The following LPIN2 variants were observed in gnomAD, a reference collection of about 807,000 sequenced individuals.
The protein encoded by LPIN2 is phosphatidate phosphatase LPIN2.
Under a neutral mutation model 111.4 loss-of-function variants are expected in LPIN2, and 55 were observed. The ratio of observed to expected loss-of-function variants is 0.49; its 90% confidence interval spans 0.40 to 0.62. The LOEUF (loss-of-function observed/expected upper bound fraction) is 0.62. Among genes scored for constraint, LPIN2 ranks in the 20% least tolerant of loss-of-function variants. The pLI is 0.00. For missense variants in LPIN2, 992 were observed against 1,112.1 expected, an observed-to-expected ratio of 0.89 and a Z score of 1.54; for synonymous variants, 425 against 414.0, an observed-to-expected ratio of 1.03 and a Z score of -0.32.
chr18:2,924,281 TA>T, intron 15 of LPIN2, 116 bp downstream of exon 15: 3 of 1,323,968 alleles, frequency 2.3e-6, no homozygotes, highest in Non-Finnish European at 3.2e-6. Flanking sequence ...ATATGGCTTA[TA>T]AAATGCCTTG....
At chr18:2,980,802 C>G (rs573499360) in intron 1 of LPIN2, among the ~76,000 whole-genome samples, 1 of 150,678 alleles carries the variant, frequency 6.6e-6, no homozygotes, top group Non-Finnish European at 1.5e-5. Flanking sequence ...CTCTAGAGTC[C>G]CCCCCCAGCT....
At chr18:2,938,738 T>A (rs1222638667) in intron 6 of LPIN2, among the ~76,000 whole-genome samples, 1 of 152,246 alleles carries the variant, frequency 6.6e-6, no homozygotes, top group African/African-American at 2.4e-5. Flanking sequence ...GCAAAATGTA[T>A]ATTTTAAAAA....
chr18:2,975,016 T>C (rs778041186), intron 1 of LPIN2, among the ~76,000 whole-genome samples: 51 of 152,136 alleles, frequency 3.4e-4, no homozygotes, highest in Admixed American at 1.3e-4. Flanking sequence ...CAAACAAAAA[T>C]TGTTTAAACC....
In LPIN2 at chr18:2,925,491, C is replaced by T; in HGVS notation, c.1794-123G>A. 7 of 1,305,428 alleles carry T rather than the reference C, an allele frequency of 5.4e-6. No homozygotes were observed. The South Asian group carries it at 7.4e-5, about 14-fold the overall frequency. The allele number at this position is 1,305,428 out of a possible 1,614,324, so 80.9% of individuals were successfully genotyped here. ...TTTCTAGGAATGGGTAGAGTTATCC[C>T]TTCTGCCATTCTCCCATATCCACAG... is the stretch of plus-strand genomic sequence containing the variant. On this transcript the variant is annotated intron_variant, in intron 13 of 19. Coordinates refer to ENST00000677752, the MANE Select transcript of LPIN2 (RefSeq NM_001375808.2). This position sits in a 1 kb window ranked among gnomAD's most constrained non-coding sequence, Gnocchi z 4.1.
chr18:2,994,693 G>A (rs1202336843), intron 1 of LPIN2, among the ~76,000 whole-genome samples: 1 of 152,136 alleles, frequency 6.6e-6, no homozygotes, highest in African/African-American at 2.4e-5. Flanking sequence ...CTTGGGAGGT[G>A]AGGAGTGTAG....
chr18:2,920,217 G>A lies in LPIN2; in HGVS notation c.*76C>T, dbSNP rs118005972. On this transcript the variant is annotated 3_prime_UTR_variant, in exon 20 of 20. Transcript: ENST00000677752. ...CCGCTGGGGAAGGCTGGTATCTGAG[G>A]TCAGCAGAAGAGCCAGCTGCCTTCC... The A allele has an allele frequency of 2.8e-5, 44 of 1,589,914 alleles. No homozygotes were observed. The highest frequency in any genetic ancestry group is 3.4e-5 in the Non-Finnish European group (40 of 1,159,970).
intron 1 of LPIN2, among the ~76,000 whole-genome samples, chr18:2,974,405 C>G (rs2077974634): frequency 2.0e-5 from 3 of 152,176 alleles, no homozygotes; most frequent in Admixed American, 2.0e-4. Context: ...TTTAAGGAAT[C>G]TTCAGTGTCC....
chr18:2,940,494 C>T (rs930406429), intron 5 of LPIN2, 111 bp downstream of exon 5: 2 of 685,160 alleles, frequency 2.9e-6, no homozygotes, highest in Admixed American at 2.4e-5. Context: ...ACATTCAGTT[C>T]CTTGGCTGTG....
chr18:2,948,663 G>C (rs1232970411), intron 4 of LPIN2, among the ~76,000 whole-genome samples: 1 of 152,112 alleles, frequency 6.6e-6, no homozygotes, highest in African/African-American at 2.4e-5. Context: ...ATATTTTCAG[G>C]AACGAAGCAC....
intron 1 of LPIN2, among the ~76,000 whole-genome samples, chr18:2,963,233 G>A (rs73936878): frequency 0.029 from 4,391 of 152,322 alleles, 195 homozygotes; most frequent in African/African-American, 0.1. Flanking sequence ...AACAGAGCTG[G>A]GGAAAGAGGC....
At chr18:3,005,504 C>T (rs1276706178) in intron 1 of LPIN2, among the ~76,000 whole-genome samples, 1 of 152,060 alleles carries the variant, frequency 6.6e-6, no homozygotes, top group African/African-American at 2.4e-5. Context: ...TATAGCAAGA[C>T]CCTTATGTCT....
At chr18:2,982,762 T>C in intron 1 of LPIN2, 2 of 1,288,058 alleles carry the variant, frequency 1.6e-6, no homozygotes, top group Non-Finnish European at 2.1e-6. Context: ...ATCTTCTAAG[T>C]AAAACATCTT....
In LPIN2 at chr18:2,922,206, G is replaced by A; in HGVS notation, c.2175-7C>T. 6.2e-7 allele frequency: 1 copy of A among 1,612,508 alleles called. No individual in the cohort carries two copies. Among genetic ancestry groups the A allele is most frequent in the Non-Finnish European group, 8.5e-7 (1 of 1,179,430 alleles). ...CAGAAACTTGTAGCCATTCCTGAAA[G>A]AAAACACACCCTGTTAGCCCACATG... On this transcript the variant is annotated splice_polypyrimidine_tract_variant and splice_region_variant and intron_variant, in intron 16 of 19. Transcript: ENST00000677752.
In LPIN2 at chr18:2,920,069, C is replaced by T; in HGVS notation, c.*224G>A. ...CCCACAAAGGAGGGATCCCAGGCCTCCAGCCCCAGGCCCAGTTCCTCCCTT... is the reference window on the plus strand; with the variant it reads ...CCCACAAAGGAGGGATCCCAGGCCTTCAGCCCCAGGCCCAGTTCCTCCCTT... On this transcript the variant is annotated 3_prime_UTR_variant, in exon 20 of 20. Coordinates refer to ENST00000677752, the MANE Select transcript of LPIN2 (RefSeq NM_001375808.2). 1.6e-6 allele frequency: 1 copy of T among 608,356 alleles called. No homozygotes were observed. Among genetic ancestry groups the T allele is most frequent in the Non-Finnish European group, 2.9e-6 (1 of 344,268 alleles). 37.7% of individuals were successfully genotyped at this position (608,356 alleles called of 1,614,324 possible).
At chr18:2,980,479 G>A (rs1313965953) in intron 1 of LPIN2, among the ~76,000 whole-genome samples, 1 of 152,126 alleles carries the variant, frequency 6.6e-6, no homozygotes, top group Non-Finnish European at 1.5e-5. Flanking sequence ...ATCCTGGGTG[G>A]ACTAAGGTTT....
At position 2,926,735 on chromosome 18, in the gene LPIN2, G is replaced by A. The variant is rs139826951; in HGVS notation, c.1781C>T (p.Pro594Leu). ...ACAGGGCACCCACCTGGCACCGGCC[G>A]GCTCCTTGGAGCTGGATGGCAGGTC... ...ASDLPSSSKE[P>L]AGARPAENDS... The change falls in exon 13 of 20, where the codon CCG (proline) becomes CTG (leucine). Residue 594 changes from proline (P) to leucine (L), a missense_variant. Physicochemically the swap from Pro to Leu is moderately conservative, Grantham distance 98. This residue lies in a region of LPIN2 where 709 missense variants were observed against 753.2 expected (regional missense o/e 0.94). Transcript: ENST00000677752. The A allele has an allele frequency of 5.1e-5, 82 of 1,613,064 alleles. No homozygotes were observed. In the African/African-American group the frequency reaches 7.5e-4, roughly 15 times the overall value.
rs949209092 is a variant in LPIN2, at chr18:3,013,117, G to A, written c.-40C>T. The A allele has an allele frequency of 6.6e-6, 1 of 150,670 alleles. No individual in the cohort carries two copies. Among genetic ancestry groups the A allele is most frequent in the African/African-American group, 2.4e-5 (1 of 41,288 alleles). 9.3% of individuals were successfully genotyped at this position (150,670 alleles called of 1,614,324 possible). A position where few individuals can be genotyped will look rare whatever the true frequency, so the allele number is the denominator to read the frequency against. ...GGGGCTCCGCTCCCGGCCAGCGGGC[G>A]GCTGAGGGCAGGCGGCGGCTGGACT... is the stretch of plus-strand genomic sequence containing the variant. On this transcript the variant is annotated 5_prime_UTR_variant, in exon 1 of 20. Coordinates refer to ENST00000677752, the MANE Select transcript of LPIN2 (RefSeq NM_001375808.2).
rs190971473 is a variant in LPIN2 at position 3,012,353 on chromosome 18, G to T, written c.-10+734C>A. 1.5e-3 allele frequency among the ~76,000 whole-genome samples: 223 copies of T among 152,328 alleles called. 1 individual carries two copies. Among genetic ancestry groups the T allele is most frequent in the African/African-American group, 4.9e-3 (203 of 41,568 alleles). On this transcript the variant is annotated intron_variant, in intron 1 of 19. Coordinates refer to ENST00000677752, the MANE Select transcript of LPIN2 (RefSeq NM_001375808.2). ...AATTATGCCTAAAAAATGTCATCTT[G>T]AATTTTCAATGAAAAGAGTCTTAAA...
intron 1 of LPIN2, among the ~76,000 whole-genome samples, chr18:2,968,813 T>G (rs1306097074): frequency 1.3e-5 from 2 of 152,136 alleles, no homozygotes; most frequent in Admixed American, 6.5e-5. Context: ...AATCAGTGCT[T>G]CTTCTGTTCA....
Sources: allele counts gnomAD v4.1 joint callset (sites outside exome capture counted in the v4.1 genomes callset), GRCh38; gene constraint gnomAD v4.1.1; regional missense constraint gnomAD v4.1.1; non-coding constraint Gnocchi (gnomAD v3.1); transcripts MANE v1.5; gene names NCBI Gene and HGNC (gene_info 2026-07-23, HGNC 2026-07-21).